Variants in TTC6 observed in about 807,000 individuals in gnomAD.
TTC6 encodes tetratricopeptide repeat domain 6.
TTC6 carries 172 observed loss-of-function variants against 210.4 expected under a neutral mutation model. The ratio of observed to expected loss-of-function variants is 0.82; its 90% CI spans 0.72 to 0.93. TTC6 has a LOEUF of 0.93. Ranked by LOEUF, TTC6 falls within the 40% of genes least tolerant of loss-of-function variation. TTC6 has a pLI of 0.00. For synonymous variants in TTC6, 804 were observed against 819.6 expected (o/e 0.98, Z 0.32); for missense variants, 2,414 against 2,318.1 (o/e 1.04, Z -0.85).
At position 37,725,013 on chromosome 14, in the gene TTC6, G is replaced by T; in HGVS notation, c.1818+11G>T. The stretch of plus-strand genomic sequence containing the variant: ...TATCCAAAATATGAGGTAACATACC[G>T]AATGGGTTTTCTCTATTATTGTTGT... On this transcript the variant is annotated intron_variant, in intron 7 of 30. Transcript: ENST00000553443. 7.2e-7 allele frequency: 1 copy of T among 1,393,692 alleles called. No homozygotes were observed. The highest frequency in any genetic ancestry group is 1.4e-5 in the South Asian group (1 of 72,992). 86.3% of individuals were successfully genotyped at this position (1,393,692 alleles called of 1,614,324 possible).
intron 14 of TTC6, chr14:37,772,312 T>G (rs1326984699): frequency 1.9e-5 from 3 of 154,222 alleles, no homozygotes; most frequent in African/African-American, 7.2e-5. Flanking sequence ...CAGGCCTCCT[T>G]GAGCTGTGGT....
chr14:37,676,032 T>C (rs2095768470), intron 1 of TTC6, among the ~76,000 whole-genome samples: 1 of 152,070 alleles, frequency 6.6e-6, no homozygotes, highest in Non-Finnish European at 1.5e-5. Context: ...TTCCAGAATA[T>C]TCTTGTTGTA....
At chr14:37,653,795 G>C (rs955205009) in intron 1 of TTC6, among the ~76,000 whole-genome samples, 4 of 152,106 alleles carry the variant, frequency 2.6e-5, no homozygotes, top group Non-Finnish European at 5.9e-5. Flanking sequence ...ATATTTACAA[G>C]ACATTCTCTT....
intron 2 of TTC6, among the ~76,000 whole-genome samples, chr14:37,609,653 A>G (rs2095631017): frequency 6.6e-6 from 1 of 152,118 alleles, no homozygotes; most frequent in Non-Finnish European, 1.5e-5. Flanking sequence ...TTTATTTGTC[A>G]TTTAAATTGT....
chr14:37,734,361 C>T (rs998533729), intron 7 of TTC6, among the ~76,000 whole-genome samples: 6 of 152,104 alleles, frequency 3.9e-5, no homozygotes, highest in African/African-American at 9.7e-5. Context: ...TTTTTTGTCA[C>T]CCTTGCCCCA....
rs1412805123 is a variant in TTC6, at chr14:37,598,262, G to C, written c.-235+2254G>C. 6.6e-6 allele frequency among the ~76,000 whole-genome samples: 1 copy of C among 152,194 alleles called. No individual in the cohort carries two copies. The highest frequency in any genetic ancestry group is 1.5e-5 in the Non-Finnish European group (1 of 68,032). On this transcript the variant is annotated intron_variant, in intron 1 of 2. Transcript: ENST00000556845. The surrounding 1 kb of genome is among the most constrained non-coding windows in gnomAD (Gnocchi z 4.9). ...GGACTCGGGGCAGGGTACCCGCGAG[G>C]GCAGGCACGTGGCGGCTCCTGCGGT...
chr14:37,672,038 T>C (rs914631351), intron 1 of TTC6, among the ~76,000 whole-genome samples: 10 of 152,292 alleles, frequency 6.6e-5, no homozygotes, highest in African/African-American at 1.9e-4. Flanking sequence ...CAGTTCTTTA[T>C]AGGAGTGTGA....
chr14:37,794,346 C>G (rs2096087252), intron 17 of TTC6, among the ~76,000 whole-genome samples: 1 of 152,174 alleles, frequency 6.6e-6, no homozygotes, highest in Non-Finnish European at 1.5e-5. Context: ...TATACCATCT[C>G]TACAGGTACT....
At chr14:37,599,643 G>A (rs2095611603) in intron 1 of TTC6, among the ~76,000 whole-genome samples, 2 of 152,150 alleles carry the variant, frequency 1.3e-5, no homozygotes, top group Admixed American at 6.5e-5. Context: ...TCGCCCGCGG[G>A]CGACAAAACC....
intron 3 of TTC6, among the ~76,000 whole-genome samples, chr14:37,683,320 A>G (rs1476036451): frequency 1.3e-5 from 2 of 152,118 alleles, no homozygotes; most frequent in East Asian, 3.9e-4. Flanking sequence ...TATAGCTTTT[A>G]TAACTTTACC....
At chr14:37,626,656 T>C (rs1435387777) in intron 1 of TTC6, among the ~76,000 whole-genome samples, 1 of 152,154 alleles carries the variant, frequency 6.6e-6, no homozygotes, top group East Asian at 1.9e-4. Flanking sequence ...GGTGGTGAAT[T>C]CTCTGACTTT....
chr14:37,613,573 T>C (rs2095638007), intron 2 of TTC6, among the ~76,000 whole-genome samples: 1 of 152,094 alleles, frequency 6.6e-6, no homozygotes, highest in Admixed American at 6.5e-5. Flanking sequence ...TATTTCTTTC[T>C]TGAATACTTG....
chr14:37,672,609 C>G (rs1033757690), intron 1 of TTC6, among the ~76,000 whole-genome samples: 1 of 152,102 alleles, frequency 6.6e-6, no homozygotes, highest in Non-Finnish European at 1.5e-5. Context: ...ATGCTATAAC[C>G]TAGAATCAGG....
At chr14:37,676,355 A>G (rs2095769460) in intron 1 of TTC6, among the ~76,000 whole-genome samples, 1 of 151,988 alleles carries the variant, frequency 6.6e-6, no homozygotes, top group African/African-American at 2.4e-5. Context: ...TACTTGTGTT[A>G]TTGCCAAAGA....
chr14:37,775,189 T>A (rs1312483442), intron 14 of TTC6, among the ~76,000 whole-genome samples: 1 of 152,158 alleles, frequency 6.6e-6, no homozygotes, highest in Non-Finnish European at 1.5e-5. Context: ...AACTACTGGA[T>A]TTGTTTATCT....
In TTC6 at chr14:37,822,058, C is replaced by T. The variant is rs776311462; in HGVS notation, c.4764-1689C>T. On this transcript the variant is annotated intron_variant, in intron 26 of 30. Coordinates refer to ENST00000553443, the Ensembl canonical transcript of TTC6. ...CCTCCCAAAGTGCTGTGATTACAGG[C>T]GTGAGCCACCGTGCCCGGCCAGAGC... Among the ~76,000 whole-genome samples the T allele has an allele frequency of 3.9e-5, 6 of 152,028 alleles. No individual in the cohort carries two copies. The South Asian group carries it at 6.2e-4, about 16-fold the overall frequency.
At chr14:37,739,938 C>G (rs551944464) in intron 10 of TTC6, among the ~76,000 whole-genome samples, 20 of 151,850 alleles carry the variant, frequency 1.3e-4, no homozygotes, top group African/African-American at 4.8e-4. Flanking sequence ...CTGAGGCGGA[C>G]AGATCACGAG....
At chr14:37,839,722 C>A (rs1251058215) in intron 29 of TTC6, among the ~76,000 whole-genome samples, 1 of 152,108 alleles carries the variant, frequency 6.6e-6, no homozygotes, top group Non-Finnish European at 1.5e-5. Context: ...AGTCTTTGCC[C>A]ATGCCTATGT....
At chr14:37,738,601 C>T (rs1395052039) in intron 9 of TTC6, among the ~76,000 whole-genome samples, 175 bp from the exon 12 acceptor site, 2 of 151,986 alleles carry the variant, frequency 1.3e-5, no homozygotes, top group Non-Finnish European at 2.9e-5. Flanking sequence ...TTGAACTAAC[C>T]CACTATTAAC....
Sources: allele counts gnomAD v4.1 joint callset (sites outside exome capture counted in the v4.1 genomes callset), GRCh38; gene constraint gnomAD v4.1.1; non-coding constraint Gnocchi (gnomAD v3.1); transcripts MANE v1.5; gene names NCBI Gene and HGNC (gene_info 2026-07-23, HGNC 2026-07-21).